FHIP2A: variants seen among roughly 807,000 people sequenced by gnomAD.
FHIP2A encodes FHF complex subunit HOOK interacting protein 2A, also known as family with sequence similarity 160 member B1.
Under a neutral mutation model 93.5 loss-of-function variants are expected in FHIP2A, and 46 were observed. The ratio of observed to expected loss-of-function variants is 0.49; its 90% confidence interval spans 0.39 to 0.63. The LOEUF (loss-of-function observed/expected upper bound fraction) is 0.63. Among genes scored for constraint, FHIP2A ranks in the 20% least tolerant of loss-of-function variants. FHIP2A has a pLI of 0.00. For synonymous variants in FHIP2A, 332 were observed against 326.5 expected (o/e 1.02, Z -0.18); for missense variants, 769 against 909.7 (o/e 0.85, Z 1.99).
chr10:114,863,679 A>G lies in FHIP2A; in HGVS notation c.*2139A>G. On this transcript the variant is annotated 3_prime_UTR_variant, in exon 17 of 17. Coordinates refer to ENST00000369248, the MANE Select transcript of FHIP2A (RefSeq NM_020940.4). Reference sequence around the variant, plus strand: ...ACCTAGAGCCAGTAGAAGCTCTCACAGTGAGTTCAATTTGTTAGTGAAACA... The same window carrying G: ...ACCTAGAGCCAGTAGAAGCTCTCACGGTGAGTTCAATTTGTTAGTGAAACA... The G allele has an allele frequency of 7.7e-7, 1 of 1,302,448 alleles. No individual in the cohort carries two copies. Among genetic ancestry groups the G allele is most frequent in the Non-Finnish European group, 1.0e-6 (1 of 988,408 alleles). 80.7% of individuals were successfully genotyped at this position (1,302,448 alleles called of 1,614,324 possible).
intron 1 of FHIP2A, among the ~76,000 whole-genome samples, chr10:114,822,372 C>CA (rs2083535320): frequency 6.6e-6 from 1 of 151,866 alleles, no homozygotes; most frequent in South Asian, 2.1e-4. Flanking sequence ...TGCCCTCCTC[C>CA]AGGAGCCGGG....
chr10:114,883,463 C>T (rs1274254213), intron 16 of FHIP2A, among the ~76,000 whole-genome samples: 5 of 152,074 alleles, frequency 3.3e-5, no homozygotes, highest in Admixed American at 6.6e-5. Flanking sequence ...TTAAAGTAAA[C>T]AATTTTTGAT....
chr10:114,895,043 T>C (rs2083994266), intron 16 of FHIP2A, among the ~76,000 whole-genome samples: 1 of 152,220 alleles, frequency 6.6e-6, no homozygotes, highest in South Asian at 2.1e-4. Context: ...GAGTAAGAAA[T>C]GATGATTGAA....
chr10:114,857,047 T>C (rs1374797860), intron 14 of FHIP2A, among the ~76,000 whole-genome samples: 1 of 151,948 alleles, frequency 6.6e-6, no homozygotes, highest in Non-Finnish European at 1.5e-5. Context: ...GCTATGATTG[T>C]GCCTAAGGAT....
At chr10:114,891,035 A>T (rs1379792769) in intron 16 of FHIP2A, among the ~76,000 whole-genome samples, 5 of 151,310 alleles carry the variant, frequency 3.3e-5, no homozygotes, top group Admixed American at 6.6e-5. Flanking sequence ...CTACAAAAAA[A>T]TTTTTTTAAC....
chr10:114,882,520 G>A (rs544549628), intron 16 of FHIP2A, among the ~76,000 whole-genome samples: 3 of 152,128 alleles, frequency 2.0e-5, no homozygotes, highest in Admixed American at 6.5e-5. Flanking sequence ...ATTTTGTTTG[G>A]GGGGGTCAGA....
intron 16 of FHIP2A, among the ~76,000 whole-genome samples, chr10:114,889,913 T>A (rs1048618639): frequency 2.0e-5 from 3 of 152,246 alleles, no homozygotes; most frequent in African/African-American, 7.2e-5. Context: ...CATGTCCCTT[T>A]GCCTCAGTGT....
At chr10:114,884,171 G>A (rs1173107528) in intron 16 of FHIP2A, among the ~76,000 whole-genome samples, 5 of 152,142 alleles carry the variant, frequency 3.3e-5, no homozygotes, top group Admixed American at 3.3e-4. Flanking sequence ...TTTCTGGGAA[G>A]GATTCTGGTA....
intron 3 of FHIP2A, among the ~76,000 whole-genome samples, chr10:114,834,788 G>T (rs1174884295): frequency 6.6e-6 from 1 of 152,184 alleles, no homozygotes; most frequent in Non-Finnish European, 1.5e-5. Context: ...AATAGGCAAA[G>T]AATATTTACA....
chr10:114,875,837 G>GAGAAAGAA (rs139009293), intron 16 of FHIP2A, among the ~76,000 whole-genome samples: 10 of 115,770 alleles, frequency 8.6e-5, no homozygotes, highest in African/African-American at 1.3e-4. Flanking sequence ...GAAGGTAAGA[G>GAGAAAGAA]AGAAAGAAAG....
At position 114,834,069 on chromosome 10, in the gene FHIP2A, G is replaced by A. The variant is rs575003354; in HGVS notation, c.294+667G>A. On this transcript the variant is annotated intron_variant, in intron 3 of 16. Coordinates refer to ENST00000369248, the MANE Select transcript of FHIP2A (RefSeq NM_020940.4). ...AAAATCCAGGAAGTGTTTGCTAAGG[G>A]GCCTCCCCAGCCCTAAAAGTCTATA... Among the ~76,000 whole-genome samples the A allele has an allele frequency of 3.9e-4, 59 of 152,086 alleles. No homozygotes were observed. In the South Asian group the frequency reaches 0.012, roughly 32 times the overall value.
At chr10:114,879,034 G>A (rs570195747) in intron 16 of FHIP2A, among the ~76,000 whole-genome samples, 1 of 152,250 alleles carries the variant, frequency 6.6e-6, no homozygotes, top group African/African-American at 2.4e-5. Flanking sequence ...CTATTATTAT[G>A]TGCCAGGCTT....
At chr10:114,824,794 C>T (rs550237916) in intron 1 of FHIP2A, among the ~76,000 whole-genome samples, 1 of 152,270 alleles carries the variant, frequency 6.6e-6, no homozygotes, top group East Asian at 1.9e-4. Flanking sequence ...CTGTGTGTTC[C>T]TGTTCATGTG....
intron 14 of FHIP2A, among the ~76,000 whole-genome samples, chr10:114,855,818 G>A (rs2083763314): frequency 6.6e-6 from 1 of 152,140 alleles, no homozygotes; most frequent in African/African-American, 2.4e-5. Flanking sequence ...AGGGAGAGGT[G>A]AAATAGAAAA....
chr10:114,864,777 C>A, downstream of FHIP2A: 1 of 899,372 alleles, frequency 1.1e-6, no homozygotes, highest in Non-Finnish European at 1.3e-6. Context: ...AAATCTCAAA[C>A]AATTTTTAAC....
chr10:114,847,689 G>C (rs943471145), intron 12 of FHIP2A, among the ~76,000 whole-genome samples: 1 of 151,906 alleles, frequency 6.6e-6, no homozygotes, highest in East Asian at 1.9e-4. Flanking sequence ...TTGATACTAA[G>C]AGAAAAGCTC....
intron 13 of FHIP2A, 128 bp downstream of exon 13, chr10:114,848,865 G>A (rs2083717762): frequency 9.4e-6 from 6 of 640,272 alleles, no homozygotes; most frequent in South Asian, 1.9e-5. Flanking sequence ...GACCTGGGCC[G>A]GGTGCAGTGT....
At chr10:114,830,630 A>T (rs556400893) in intron 1 of FHIP2A, among the ~76,000 whole-genome samples, 1 of 152,278 alleles carries the variant, frequency 6.6e-6, no homozygotes, top group African/African-American at 2.4e-5. Flanking sequence ...ACTGTAGTTT[A>T]ATAATAATGT....
At chr10:114,868,847 G>A (rs2083843658), downstream of FHIP2A, among the ~76,000 whole-genome samples, 1 of 152,140 alleles carries the variant, frequency 6.6e-6, no homozygotes, top group Admixed American at 6.6e-5. Context: ...TGTCCGGGAT[G>A]GTATTCAGTT....
Sources: allele counts gnomAD v4.1 joint callset (sites outside exome capture counted in the v4.1 genomes callset), GRCh38; gene constraint gnomAD v4.1.1; transcripts MANE v1.5; gene names NCBI Gene and HGNC (gene_info 2026-07-23, HGNC 2026-07-21).